The following IQGAP2 variants were observed in gnomAD, a reference collection of about 807,000 sequenced individuals.
The protein encoded by IQGAP2 is IQ motif containing GTPase activating protein 2, also known as ras GTPase-activating-like protein IQGAP2.
Under a neutral mutation model 201.3 loss-of-function variants are expected in IQGAP2, and 173 were observed. The observed-to-expected ratio is 0.86, with a 90% confidence interval of 0.76 to 0.98. The LOEUF (loss-of-function observed/expected upper bound fraction) is 0.98. Among genes scored for constraint, IQGAP2 ranks in the 50% least tolerant of loss-of-function variants. The pLI is 0.00. For missense variants in IQGAP2, 1,687 were observed against 1,864.8 expected, an observed-to-expected ratio of 0.90 and a Z score of 1.76; for synonymous variants, 675 against 673.9, an observed-to-expected ratio of 1.00 and a Z score of -0.03.
chr5:76,578,406 G>A (rs113921758), intron 5 of IQGAP2, among the ~76,000 whole-genome samples: 1,923 of 152,082 alleles, frequency 0.013, 36 homozygotes, highest in African/African-American at 0.044. Flanking sequence ...TCCACCTTCC[G>A]GGTTCAGGTG....
chr5:76,451,487 C>T (rs1580218861), intron 1 of IQGAP2, among the ~76,000 whole-genome samples: 1 of 152,130 alleles, frequency 6.6e-6, no homozygotes, highest in Non-Finnish European at 1.5e-5. Flanking sequence ...CTCTTTAGGC[C>T]GTTGGGCCTT....
chr5:76,649,221 T>C (rs571136525), intron 17 of IQGAP2, among the ~76,000 whole-genome samples: 3 of 151,900 alleles, frequency 2.0e-5, no homozygotes, highest in Non-Finnish European at 2.9e-5. Context: ...CAGAAGGAAG[T>C]ACAACATTTT....
At chr5:76,628,186 C>T (rs1343995266) in intron 14 of IQGAP2, among the ~76,000 whole-genome samples, 3 of 152,274 alleles carry the variant, frequency 2.0e-5, no homozygotes, top group Non-Finnish European at 2.9e-5. Flanking sequence ...TGGCCTTTTA[C>T]CAGGGTGACT....
At chr5:76,609,089 G>T in intron 12 of IQGAP2, 1 of 1,534,526 alleles carries the variant, frequency 6.5e-7, no homozygotes, top group South Asian at 1.2e-5. Flanking sequence ...CATTCACTAT[G>T]ACCTCAGCAG....
In IQGAP2 at chr5:76,600,896, G is replaced by A. The variant is rs1449519007; in HGVS notation, c.1156G>A (p.Asp386Asn). The change falls in exon 11 of 36, where the codon GAT becomes AAT. Residue 386 changes from aspartate (D) to asparagine (N), a missense_variant. Physicochemically the swap from Asp to Asn is conservative, Grantham distance 23. Transcript: ENST00000274364. ...ACTAAACCAGGCCTTGGAAAGCAAC[G>A]ATCTTGTGTCTGTGCAGAATCAACT... ...ALLNQALESN[D>N]LVSVQNQLRS... is the part of the protein sequence containing the mutation. The A allele has an allele frequency of 4.3e-6, 7 of 1,614,100 alleles. No homozygotes were observed. The highest frequency in any genetic ancestry group is 1.6e-4 in the Middle Eastern group (1 of 6,062).
chr5:76,608,414 A>G (rs1305727781), intron 12 of IQGAP2, among the ~76,000 whole-genome samples: 3 of 152,158 alleles, frequency 2.0e-5, no homozygotes, highest in Non-Finnish European at 4.4e-5. Context: ...GAGTTCCTGA[A>G]GTATTGAGTT....
At chr5:76,595,764 AAGAAAGAG>A (rs937553536) in intron 9 of IQGAP2, among the ~76,000 whole-genome samples, 4 of 138,878 alleles carry the variant, frequency 2.9e-5, no homozygotes, top group Non-Finnish European at 3.0e-5. Context: ...GTCTCAAAAA[AAGAAAGAG>A]AGAGAGAGAG....
At chr5:76,497,983 C>G (rs1019640031) in intron 2 of IQGAP2, among the ~76,000 whole-genome samples, 3 of 152,164 alleles carry the variant, frequency 2.0e-5, no homozygotes, top group African/African-American at 7.2e-5. Flanking sequence ...TCCATGTACT[C>G]AGCATATCCT....
At chr5:76,497,517 C>G (rs974569118) in intron 2 of IQGAP2, among the ~76,000 whole-genome samples, 1 of 152,210 alleles carries the variant, frequency 6.6e-6, no homozygotes, top group African/African-American at 2.4e-5. Context: ...GATTCATTGT[C>G]AAGCTTTAAA....
intron 14 of IQGAP2, among the ~76,000 whole-genome samples, chr5:76,630,401 G>A (rs1166359955): frequency 6.6e-6 from 1 of 152,084 alleles, no homozygotes; most frequent in East Asian, 1.9e-4. Flanking sequence ...GTAAAATAAG[G>A]AGCAATAGCA....
chr5:76,479,087 C>T lies in IQGAP2; in HGVS notation c.146+17418C>T, dbSNP rs374699688. 8.5e-4 allele frequency among the ~76,000 whole-genome samples: 129 copies of T among 152,174 alleles called. 1 individual carries two copies. In the South Asian group the frequency reaches 0.017, roughly 20 times the overall value. On this transcript the variant is annotated intron_variant, in intron 2 of 35. Transcript: ENST00000274364. ...ATACTCACCCCTTTTACACCGCCTC[C>T]GCCTTCCCGCCATGGTTGATCGTTC...
chr5:76,462,582 G>A (rs1754524235), intron 2 of IQGAP2, among the ~76,000 whole-genome samples: 1 of 152,138 alleles, frequency 6.6e-6, no homozygotes, highest in Admixed American at 6.5e-5. Context: ...CCAGGGTGGA[G>A]CGACAGTATT....
In IQGAP2 at chr5:76,409,563, T is replaced by C. The variant is rs147635667; in HGVS notation, c.46+5972T>C. On this transcript the variant is annotated intron_variant, in intron 1 of 35. Coordinates refer to ENST00000274364, the MANE Select transcript of IQGAP2 (RefSeq NM_006633.5). The stretch of plus-strand genomic sequence containing the variant: ...TGCCCAGCCTTACATGGGCTTTTCA[T>C]AGAATACATCCAAGCTTCATCAAAA... Among the ~76,000 whole-genome samples, 117 of 152,288 alleles carry C rather than the reference T, an allele frequency of 7.7e-4. 2 individuals are homozygous for C. In the East Asian group the frequency reaches 8.5e-3, roughly 11 times the overall value.
At chr5:76,693,903 G>GT (rs1021250861) in intron 31 of IQGAP2, 3 of 152,706 alleles carry the variant, frequency 2.0e-5, no homozygotes, top group Admixed American at 1.3e-4. Context: ...TTATGTTAGC[G>GT]TAAGTGAGGT....
intron 1 of IQGAP2, among the ~76,000 whole-genome samples, chr5:76,442,297 A>T (rs149113565): frequency 1.1e-3 from 173 of 152,326 alleles, no homozygotes; most frequent in African/African-American, 2.7e-3. Context: ...GGTATGATTT[A>T]TTACAAGAAG....
intron 28 of IQGAP2, among the ~76,000 whole-genome samples, chr5:76,678,076 C>T (rs1321671047): frequency 6.6e-6 from 1 of 152,202 alleles, no homozygotes; most frequent in African/African-American, 2.4e-5. Context: ...TCCAGGAACC[C>T]TCTCAGCTTT....
At chr5:76,484,590 A>G (rs1755996919) in intron 2 of IQGAP2, among the ~76,000 whole-genome samples, 1 of 152,180 alleles carries the variant, frequency 6.6e-6, no homozygotes, top group African/African-American at 2.4e-5. Context: ...TTCTTTAGAA[A>G]CGGGGTCTTT....
At chr5:76,418,365 C>T (rs1751533346) in intron 1 of IQGAP2, among the ~76,000 whole-genome samples, 1 of 151,910 alleles carries the variant, frequency 6.6e-6, no homozygotes, top group East Asian at 1.9e-4. Context: ...TCTTTTACTA[C>T]GAAGTGTGAA....
At chr5:76,496,747 T>C (rs1247622413) in intron 2 of IQGAP2, among the ~76,000 whole-genome samples, 5 of 61,908 alleles carry the variant, frequency 8.1e-5, no homozygotes, top group Non-Finnish European at 1.2e-4. Context: ...CTTTCTTTCT[T>C]TCTTTCTTTC....
Sources: allele counts gnomAD v4.1 joint callset (sites outside exome capture counted in the v4.1 genomes callset), GRCh38; gene constraint gnomAD v4.1.1; transcripts MANE v1.5; gene names NCBI Gene and HGNC (gene_info 2026-07-23, HGNC 2026-07-21).